NCF2: variants seen among roughly 807,000 people sequenced by gnomAD.
The protein encoded by NCF2 is neutrophil cytosol factor 2.
Under a neutral mutation model 70.9 loss-of-function variants are expected in NCF2, and 45 were observed. The observed-to-expected ratio is 0.63, with a 90% confidence interval of 0.50 to 0.81. NCF2 has a LOEUF of 0.81. Ranked by LOEUF, NCF2 falls within the 40% of genes least tolerant of loss-of-function variation. NCF2 has a pLI of 0.00. For missense variants in NCF2, 522 were observed against 631.6 expected (o/e 0.83, Z 1.86); for synonymous variants, 203 against 233.6 (o/e 0.87, Z 1.19).
the NCF2 span, among the ~76,000 whole-genome samples, chr1:183,599,904 C>T: frequency 2.0e-5 from 3 of 152,002 alleles, no homozygotes; most frequent in Non-Finnish European, 4.4e-5. Context: ...TGGGAAGGTG[C>T]CATCTACCAA....
Position 183,556,235 on chromosome 1 carries a change from TAAAAG to T in NCF2, c.1469-10_1469-6del, listed in dbSNP as rs1671775245. On this transcript the variant is annotated splice_region_variant and splice_polypyrimidine_tract_variant and intron_variant, in intron 14 of 14. Coordinates refer to ENST00000367535, the MANE Select transcript of NCF2 (RefSeq NM_000433.4). ...CTTCCAGCCATTCTTCATTCACTGATAAAAGGAAAAGTACACATGGATTTCTAAAA... is the reference window on the plus strand; with the variant it reads ...CTTCCAGCCATTCTTCATTCACTGATGAAAAGTACACATGGATTTCTAAAA... 1.9e-6 allele frequency: 3 copies of T among 1,611,928 alleles called. No individual in the cohort carries two copies. Among genetic ancestry groups the T allele is most frequent in the Non-Finnish European group, 2.5e-6 (3 of 1,178,118 alleles).
intron 13 of NCF2, among the ~76,000 whole-genome samples, chr1:183,562,678 C>A (rs1672117966): frequency 6.6e-6 from 1 of 151,976 alleles, no homozygotes; most frequent in Non-Finnish European, 1.5e-5. Context: ...ACTAAAAATA[C>A]AAAAATTAGC....
intron 14 of NCF2, 126 bp downstream of exon 14, chr1:183,559,970 A>T: frequency 2.9e-6 from 3 of 1,024,120 alleles, no homozygotes; most frequent in Non-Finnish European, 4.5e-6. Context: ...GCTAGATGCT[A>T]GGAAGGGGGT....
chr1:183,557,724 G>A (rs1158293070), intron 14 of NCF2, among the ~76,000 whole-genome samples: 2 of 152,100 alleles, frequency 1.3e-5, no homozygotes, highest in African/African-American at 4.8e-5. Flanking sequence ...TTCTTTCATT[G>A]TATTCCTGCT....
intron 2 of NCF2, among the ~76,000 whole-genome samples, chr1:183,580,435 C>A (rs1223605755): frequency 1.3e-5 from 2 of 152,182 alleles, no homozygotes; most frequent in Admixed American, 6.5e-5. Context: ...AGAGGACAGG[C>A]AGAAGCAGAG....
chr1:183,573,322 AT>A (rs1198181604), intron 4 of NCF2, 30 bp from the exon 5 acceptor site: 2 of 1,589,704 alleles, frequency 1.3e-6, no homozygotes, highest in Non-Finnish European at 1.7e-6. Context: ...GCATTCCCTT[AT>A]GTGAAAATGG....
At chr1:183,578,085 T>C (rs1309102796) in intron 2 of NCF2, among the ~76,000 whole-genome samples, 1 of 152,234 alleles carries the variant, frequency 6.6e-6, no homozygotes, top group Non-Finnish European at 1.5e-5. Context: ...CCTGTGTCCC[T>C]GCAGAGTGTT....
At chr1:183,575,450 A>G (rs1672759750) in intron 3 of NCF2, among the ~76,000 whole-genome samples, 1 of 152,148 alleles carries the variant, frequency 6.6e-6, no homozygotes, top group African/African-American at 2.4e-5. Flanking sequence ...TGGGGGGGGA[A>G]TGGTAAATGC....
At chr1:183,570,704 CAT>C (rs1403463116) in intron 6 of NCF2, 74 bp downstream of exon 6, 4 of 1,489,562 alleles carry the variant, frequency 2.7e-6, no homozygotes, top group Admixed American at 3.4e-5. Context: ...ACTCAGCACA[CAT>C]AGTCTCTCGA....
upstream of NCF2, among the ~76,000 whole-genome samples, chr1:183,593,085 TC>T (rs1373719344): frequency 1.3e-5 from 2 of 152,006 alleles, no homozygotes; most frequent in African/African-American, 4.8e-5. Flanking sequence ...TCTCCGCACC[TC>T]CCATGTGGCC....
chr1:183,593,003 A>G (rs971690518), upstream of NCF2, among the ~76,000 whole-genome samples: 8 of 152,186 alleles, frequency 5.3e-5, no homozygotes, highest in South Asian at 1.7e-3. Context: ...TCCTTAACAC[A>G]CTGCCCTGAA....
the NCF2 span, among the ~76,000 whole-genome samples, chr1:183,599,726 T>C: frequency 6.6e-6 from 1 of 152,098 alleles, no homozygotes; most frequent in East Asian, 1.9e-4. Context: ...TAATTTTTTG[T>C]ATTTTTAGTA....
At chr1:183,563,804 T>C in intron 11 of NCF2, 1 of 809,276 alleles carries the variant, frequency 1.2e-6, no homozygotes, top group Non-Finnish European at 2.1e-6. Context: ...TCTGGCCCAC[T>C]AGCTTGGGTA....
chr1:183,590,613 G>A, upstream of NCF2: 1 of 483,414 alleles, frequency 2.1e-6, no homozygotes, highest in Non-Finnish European at 3.8e-6. Context: ...GTGGAGGAGA[G>A]AGGAAGTACA....
chr1:183,557,246 G>A (rs1314518317), intron 14 of NCF2, among the ~76,000 whole-genome samples: 2 of 152,222 alleles, frequency 1.3e-5, no homozygotes, highest in African/African-American at 4.8e-5. Flanking sequence ...CAGTTCAGAA[G>A]TTTGTCTTTG....
At chr1:183,581,760 C>CT (rs1673106566) in intron 2 of NCF2, among the ~76,000 whole-genome samples, 1 of 152,002 alleles carries the variant, frequency 6.6e-6, no homozygotes, top group African/African-American at 2.4e-5. Flanking sequence ...GCTCCGCCTC[C>CT]CGGTTCACGC....
intron 5 of NCF2, 83 bp downstream of exon 5, chr1:183,573,102 C>T: frequency 8.0e-7 from 1 of 1,251,970 alleles, no homozygotes; most frequent in Non-Finnish European, 1.2e-6. Context: ...AGGAGGCTAC[C>T]CTCTTCTCAA....
upstream of NCF2, chr1:183,590,466 C>G: frequency 7.7e-6 from 7 of 905,776 alleles, no homozygotes; most frequent in Non-Finnish European, 1.1e-5. Flanking sequence ...GAATGGGGCC[C>G]AGCCTCCCTT....
At chr1:183,567,128 A>G in intron 8 of NCF2, 76 bp downstream of exon 8, 1 of 1,610,638 alleles carries the variant, frequency 6.2e-7, no homozygotes, top group Non-Finnish European at 8.5e-7. Flanking sequence ...AGAAGGCAGC[A>G]GATACTGCTC....
Sources: gnomAD v4.1 joint callset for allele counts (sites outside exome capture counted in the v4.1 genomes callset) on GRCh38, gnomAD v4.1.1 for gene constraint, MANE v1.5 for transcripts, NCBI Gene and HGNC (gene_info 2026-07-23, HGNC 2026-07-21) for gene names.